FIG4: variants seen among roughly 807,000 people sequenced by gnomAD.
The protein encoded by FIG4 is polyphosphoinositide phosphatase.
In FIG4, 112 loss-of-function variants were observed where a neutral mutation model predicts 118.6. That is an observed-to-expected ratio of 0.94 (90% CI 0.81 to 1.11). The LOEUF (loss-of-function observed/expected upper bound fraction) is 1.11, where lower values mean the gene tolerates loss of function less well. FIG4 is among the 50% of genes least tolerant of loss of function. The pLI, the probability that FIG4 is intolerant of heterozygous loss-of-function variation, is 0.00. For synonymous variants in FIG4, 369 were observed against 381.2 expected (o/e 0.97, Z 0.37); for missense variants, 969 against 1,111.7 (o/e 0.87, Z 1.83).
At chr6:109,786,597 G>A in intron 18 of FIG4, 148 bp downstream of exon 18, 1 of 796,504 alleles carries the variant, frequency 1.3e-6, no homozygotes, top group South Asian at 1.4e-5. Flanking sequence ...GTGATGGGGA[G>A]CCCACTACTT....
chr6:109,732,612 A>G (rs747407790), intron 4 of FIG4, 25 bp from the exon 5 acceptor site: 1 of 1,093,940 alleles, frequency 9.1e-7, no homozygotes, highest in South Asian at 1.2e-5. Flanking sequence ...GACAAATGAA[A>G]TGTACTTTGT....
At chr6:109,701,090 GT>G (rs1774889906) in intron 1 of FIG4, among the ~76,000 whole-genome samples, 1 of 152,190 alleles carries the variant, frequency 6.6e-6, no homozygotes, top group South Asian at 2.1e-4. Context: ...TGGAGGCGAA[GT>G]TCAGGTCGTT....
At chr6:109,802,293 C>CT (rs567334107) in intron 22 of FIG4, among the ~76,000 whole-genome samples, 118 of 152,192 alleles carry the variant, frequency 7.8e-4, no homozygotes, top group African/African-American at 2.7e-3. Flanking sequence ...ACTGTCCTTT[C>CT]TGTATCCCCT....
intron 1 of FIG4, among the ~76,000 whole-genome samples, chr6:109,693,866 T>G (rs1774628842): frequency 6.9e-6 from 1 of 144,592 alleles, no homozygotes; most frequent in African/African-American, 2.7e-5. Context: ...GTTAAATAAT[T>G]TTTTTTTTTT....
intron 18 of FIG4, 51 bp from the exon 19 acceptor site, chr6:109,789,543 C>T: frequency 7.7e-7 from 1 of 1,296,064 alleles, no homozygotes; most frequent in Non-Finnish European, 1.1e-6. Context: ...AAGCCAATAT[C>T]ATCTGGATGG....
chr6:109,737,173 G>GGTGA (rs1288401463), intron 6 of FIG4, among the ~76,000 whole-genome samples: 1 of 152,126 alleles, frequency 6.6e-6, no homozygotes, highest in East Asian at 1.9e-4. Flanking sequence ...CTTTGTCGAA[G>GGTGA]GTGAGATTAT....
chr6:109,823,861 T>C (rs1779081742), intron 22 of FIG4, among the ~76,000 whole-genome samples: 1 of 152,192 alleles, frequency 6.6e-6, no homozygotes, highest in South Asian at 2.1e-4. Flanking sequence ...CCACCCGCAT[T>C]CTCACAGGGC....
intron 1 of FIG4, among the ~76,000 whole-genome samples, chr6:109,714,470 A>G (rs1273012678): frequency 6.6e-6 from 1 of 152,166 alleles, no homozygotes; most frequent in East Asian, 1.9e-4. Context: ...AATAAGACTA[A>G]TGTGATTGTG....
intron 16 of FIG4, among the ~76,000 whole-genome samples, chr6:109,779,510 A>C (rs1777730597): frequency 6.6e-6 from 1 of 152,216 alleles, no homozygotes; most frequent in African/African-American, 2.4e-5. Flanking sequence ...CCTACCACTG[A>C]AAATAAAATT....
In FIG4 at chr6:109,703,099, ATTTT is replaced by A. The variant is rs35295916; in HGVS notation, c.66+11605_66+11608del. Among the ~76,000 whole-genome samples, 14 of 149,952 alleles carry A rather than the reference ATTTT, an allele frequency of 9.3e-5. 1 individual carries two copies. In the South Asian group the frequency reaches 3.0e-3, roughly 32 times the overall value. On this transcript the variant is annotated intron_variant, in intron 1 of 22. Transcript: ENST00000230124. ...CATGAGAAAGGGTTCATAGAAGTTC[ATTTT>A]TTTTTTAAGCCCATGAGTATCTAAA... is the stretch of plus-strand genomic sequence containing the variant.
intron 10 of FIG4, among the ~76,000 whole-genome samples, chr6:109,747,313 G>A (rs190030494): frequency 9.9e-4 from 150 of 152,174 alleles, no homozygotes; most frequent in African/African-American, 3.4e-3. Flanking sequence ...CTTGTCTTGG[G>A]GATCTCCTGC....
At chr6:109,749,588 T>TAAAATAAAATAAAATAA (rs1554302298) in intron 10 of FIG4, among the ~76,000 whole-genome samples, 2 of 141,764 alleles carry the variant, frequency 1.4e-5, no homozygotes, top group Non-Finnish European at 3.0e-5. Context: ...CCTGCCTCAA[T>TAAAATAAAATAAAATAA]AATAAAATAA....
At chr6:109,772,379 C>CT (rs1339215851) in intron 15 of FIG4, among the ~76,000 whole-genome samples, 1 of 152,214 alleles carries the variant, frequency 6.6e-6, no homozygotes, top group Non-Finnish European at 1.5e-5. Context: ...TTAGCTCTAA[C>CT]TTTAACTTCT....
chr6:109,812,269 AG>A (rs775620571), intron 22 of FIG4, among the ~76,000 whole-genome samples: 28 of 152,060 alleles, frequency 1.8e-4, no homozygotes, highest in Non-Finnish European at 3.1e-4. Flanking sequence ...AGTTCTTTAT[AG>A]CAGTGTAAAA....
intron 2 of FIG4, among the ~76,000 whole-genome samples, chr6:109,715,564 A>G (rs1238187287): frequency 6.6e-6 from 1 of 152,210 alleles, no homozygotes; most frequent in African/African-American, 2.4e-5. Flanking sequence ...TCTATGCTAC[A>G]GACTTTATTT....
intron 22 of FIG4, among the ~76,000 whole-genome samples, chr6:109,815,872 C>G (rs986485963): frequency 2.0e-5 from 3 of 151,318 alleles, no homozygotes; most frequent in African/African-American, 7.3e-5. Context: ...TGGGGGGGGG[C>G]ACTCAGTTTT....
In FIG4 at chr6:109,821,595, C is replaced by T. The variant is rs559179794; in HGVS notation, c.2547-3493C>T. ...AGTGTCAAGTGATAATTTGACAAGT[C>T]CCAATGGGTTACTGGATCTAGGCAT... On this transcript the variant is annotated intron_variant, in intron 22 of 22. Transcript: ENST00000230124. Among the ~76,000 whole-genome samples the T allele has an allele frequency of 3.3e-5, 5 of 152,264 alleles. No homozygotes were observed. The South Asian group carries it at 1.0e-3, about 32-fold the overall frequency.
chr6:109,796,404 A>G (rs1043155066), intron 21 of FIG4, among the ~76,000 whole-genome samples: 30 of 152,158 alleles, frequency 2.0e-4, no homozygotes, highest in African/African-American at 7.2e-4. Flanking sequence ...CATTCCACGC[A>G]TTAGATATTT....
At position 109,785,002 on chromosome 6, in the gene FIG4, A is replaced by G. The variant is rs964702421; in HGVS notation, c.1922A>G (p.Lys641Arg). 3.8e-6 allele frequency: 6 copies of G among 1,572,634 alleles called. No individual in the cohort carries two copies. In the African/African-American group the frequency reaches 6.7e-5, roughly 18 times the overall value. The change falls in exon 17 of 23, where the codon AAG (lysine) becomes AGG (arginine). Residue 641 changes from lysine to arginine, a missense_variant. Coordinates refer to ENST00000230124, the MANE Select transcript of FIG4 (RefSeq NM_014845.6). The part of the protein sequence containing the change: ...YTYWWTPEVI[K>R]HLPLPYDEVI... ...TACTGGTGGACACCAGAGGTGATAA[A>G]GCATTTACCATTGCCCTATGATGAA...
Sources: gnomAD v4.1 joint callset for allele counts (sites outside exome capture counted in the v4.1 genomes callset) on GRCh38, gnomAD v4.1.1 for gene constraint, MANE v1.5 for transcripts, NCBI Gene and HGNC (gene_info 2026-07-23, HGNC 2026-07-21) for gene names.